NPIPB2: variants seen among roughly 807,000 people sequenced by gnomAD.
NPIPB2 encodes the protein nuclear pore complex-interacting protein family member B2.
In NPIPB2, 27 loss-of-function variants were observed where a neutral mutation model predicts 30.8. The ratio of observed to expected loss-of-function variants is 0.88; its 90% CI spans 0.65 to 1.21. The LOEUF (loss-of-function observed/expected upper bound fraction) is 1.21, where lower values mean the gene tolerates loss of function less well. Among genes scored for constraint, NPIPB2 ranks in the 50% most tolerant of loss-of-function variants. The probability of loss-of-function intolerance (pLI) is 0.00; values close to 1 mark genes in which losing one functional copy is unlikely to be tolerated. For missense variants in NPIPB2, 440 were observed against 446.2 expected (o/e 0.99, Z 0.13); for synonymous variants, 147 against 162.0 (o/e 0.91, Z 0.70).
upstream of NPIPB2, among the ~76,000 whole-genome samples, chr16:11,945,972 G>T (rs1445745947): frequency 2.0e-5 from 3 of 149,610 alleles, no homozygotes; most frequent in Non-Finnish European, 4.4e-5. Flanking sequence ...TCCAGTGTTT[G>T]TAGCTTGTCA....
chr16:11,948,750 G>C lies in NPIPB2; in HGVS notation c.-583-6636C>G, dbSNP rs368941165. On this transcript the variant is annotated intron_variant, in intron 1 of 5. Transcript: ENST00000538896. The stretch of plus-strand genomic sequence containing the variant: ...CCACTGCACTCCAGCCTGGGTGACA[G>C]AGCGAGACTCCGTCTCAAAAAAAAA... Among the ~76,000 whole-genome samples the C allele has an allele frequency of 4.2e-3, 484 of 114,866 alleles. 1 individual carries two copies. The highest frequency in any genetic ancestry group is 0.014 in the African/African-American group (459 of 31,870). The allele number at this position is 114,866 out of a possible 152,430, so 75.4% of individuals were successfully genotyped here. A position where few individuals can be genotyped will look rare whatever the true frequency, so the allele number is the denominator to read the frequency against.
chr16:11,966,563 T>C (rs899072354), intron 1 of NPIPB2, among the ~76,000 whole-genome samples: 1 of 152,226 alleles, frequency 6.6e-6, no homozygotes, highest in Non-Finnish European at 1.5e-5. Flanking sequence ...TCCAGGATTC[T>C]TCCACTGTTA....
chr16:11,942,849 C>G (rs1018921381), upstream of NPIPB2, among the ~76,000 whole-genome samples: 1 of 152,138 alleles, frequency 6.6e-6, no homozygotes, highest in African/African-American at 2.4e-5. Flanking sequence ...CCCGATCACA[C>G]AGAGTGTGCC....
At chr16:11,932,084 G>A (rs2054796893) in intron 4 of NPIPB2, among the ~76,000 whole-genome samples, 1 of 151,752 alleles carries the variant, frequency 6.6e-6, no homozygotes, top group Non-Finnish European at 1.5e-5. Context: ...CAGAATAGAG[G>A]TGGACAGGAA....
intron 1 of NPIPB2, chr16:11,976,455 C>T: frequency 3.4e-6 from 1 of 292,634 alleles, no homozygotes; most frequent in Non-Finnish European, 6.3e-6. Context: ...TTCCCGCTCG[C>T]ATCCCTCTCT....
At chr16:11,948,548 C>T (rs192526808) in intron 1 of NPIPB2, among the ~76,000 whole-genome samples, 4 of 151,996 alleles carry the variant, frequency 2.6e-5, no homozygotes, top group African/African-American at 2.4e-5. Flanking sequence ...GGATGGATCA[C>T]GAGGTCAGGA....
At chr16:11,976,310 C>G (rs2055295703) in intron 1 of NPIPB2, among the ~76,000 whole-genome samples, 1 of 152,220 alleles carries the variant, frequency 6.6e-6, no homozygotes, top group South Asian at 2.1e-4. Context: ...GAACACTTTC[C>G]CTGGGGATCT....
intron 1 of NPIPB2, chr16:11,966,262 T>G: frequency 1.2e-6 from 2 of 1,614,050 alleles, no homozygotes; most frequent in Non-Finnish European, 1.7e-6. Flanking sequence ...GCTTAATAAT[T>G]TCTTTGGCAG....
chr16:11,975,653 G>C (rs1055178013), intron 1 of NPIPB2, among the ~76,000 whole-genome samples: 2 of 151,224 alleles, frequency 1.3e-5, no homozygotes, highest in Non-Finnish European at 2.9e-5. Flanking sequence ...TGCAGTGGTG[G>C]GATCTCGGCT....
chr16:11,964,903 C>G (rs1463221958), intron 1 of NPIPB2, among the ~76,000 whole-genome samples: 2 of 152,146 alleles, frequency 1.3e-5, no homozygotes, highest in African/African-American at 4.8e-5. Flanking sequence ...CAGACCTTGT[C>G]TTGTCTATCT....
chr16:11,974,527 A>G (rs570821385), intron 1 of NPIPB2, among the ~76,000 whole-genome samples: 23 of 152,082 alleles, frequency 1.5e-4, no homozygotes, highest in African/African-American at 4.6e-4. Context: ...AAAATAAAAA[A>G]AACAAAAATA....
intron 1 of NPIPB2, 72 bp downstream of exon 1, chr16:11,941,911 T>A: frequency 1.0e-6 from 1 of 986,242 alleles, no homozygotes; most frequent in Non-Finnish European, 1.5e-6. Flanking sequence ...GCTCCCAGGG[T>A]TCCTCAAGGT....
chr16:11,959,525 G>C (rs992187644), intron 1 of NPIPB2, among the ~76,000 whole-genome samples: 1 of 151,988 alleles, frequency 6.6e-6, no homozygotes, highest in Non-Finnish European at 1.5e-5. Context: ...AGGAATTCCA[G>C]GCTGCAGTGA....
chr16:11,957,087 G>A (rs1182489412), intron 1 of NPIPB2, among the ~76,000 whole-genome samples: 4 of 152,002 alleles, frequency 2.6e-5, no homozygotes, highest in Non-Finnish European at 5.9e-5. Flanking sequence ...CACTGCTTGG[G>A]GTTCAAGCGA....
At chr16:11,955,226 T>C (rs2055099938) in intron 1 of NPIPB2, among the ~76,000 whole-genome samples, 1 of 151,410 alleles carries the variant, frequency 6.6e-6, no homozygotes, top group Non-Finnish European at 1.5e-5. Context: ...TCGTGGCACA[T>C]GCCTATAATC....
At chr16:11,950,698 C>G (rs62040821) in intron 1 of NPIPB2, among the ~76,000 whole-genome samples, 1 of 151,880 alleles carries the variant, frequency 6.6e-6, no homozygotes, top group Admixed American at 6.6e-5. Context: ...TCTACCGCTC[C>G]CTCCCTCCTC....
intron 1 of NPIPB2, among the ~76,000 whole-genome samples, chr16:11,949,471 G>C (rs941487346): frequency 6.6e-6 from 1 of 152,154 alleles, no homozygotes; most frequent in African/African-American, 2.4e-5. Context: ...TTTTAGCCCA[G>C]ATCTTCATCT....
intron 1 of NPIPB2, among the ~76,000 whole-genome samples, chr16:11,953,746 T>C (rs1478225427): frequency 6.7e-6 from 1 of 149,324 alleles, no homozygotes; most frequent in African/African-American, 2.5e-5. Context: ...GACGGAGCCT[T>C]TCTCTGTGGT....
rs527254917 is a variant in NPIPB2 at position 11,966,479 on chromosome 16, A to C, written c.-584+10089T>G. ...ATGTGTTAGAACATTGTTACATTAA[A>C]TGAACTTGGTAGAGGTGAGCCATCT... On this transcript the variant is annotated intron_variant, in intron 1 of 5. Transcript: ENST00000538896. 2.5e-4 allele frequency: 227 copies of C among 898,158 alleles called. 3 individuals carry two copies. In the Middle Eastern group the frequency reaches 2.9e-3, roughly 11 times the overall value. The allele number at this position is 898,158 out of a possible 1,614,324, so 55.6% of individuals were successfully genotyped here. A position where few individuals can be genotyped will look rare whatever the true frequency, so the allele number is the denominator to read the frequency against.
Sources: gnomAD v4.1 joint callset for allele counts (sites outside exome capture counted in the v4.1 genomes callset) on GRCh38, gnomAD v4.1.1 for gene constraint, MANE v1.5 for transcripts, NCBI Gene and HGNC (gene_info 2026-07-23, HGNC 2026-07-21) for gene names.